Variants in CLSTN2 observed in about 807,000 individuals in gnomAD.
CLSTN2 encodes calsyntenin-2.
A neutral mutation model predicts 101.2 loss-of-function variants in CLSTN2; 48 were observed. The ratio of observed to expected loss-of-function variants is 0.47; its 90% CI spans 0.38 to 0.60. The LOEUF (loss-of-function observed/expected upper bound fraction) is 0.60, where lower values mean the gene tolerates loss of function less well. CLSTN2 is among the 20% of genes least tolerant of loss of function. The probability of loss-of-function intolerance (pLI) is 0.00; values close to 1 mark genes in which losing one functional copy is unlikely to be tolerated. For missense variants in CLSTN2, 1,160 were observed against 1,238.2 expected (o/e 0.94, Z 0.95); for synonymous variants, 481 against 463.6 (o/e 1.04, Z -0.48).
intron 2 of CLSTN2, among the ~76,000 whole-genome samples, chr3:140,386,367 G>A (rs11718581): frequency 0.41 from 61,941 of 152,102 alleles, 15,508 homozygotes; most frequent in South Asian, 0.6. Flanking sequence ...GTTAGGGTCC[G>A]GTTCATGCTG....
chr3:140,157,408 A>C (rs1160321191), intron 1 of CLSTN2, among the ~76,000 whole-genome samples: 1 of 152,116 alleles, frequency 6.6e-6, no homozygotes, highest in Non-Finnish European at 1.5e-5. Context: ...TTACTGATCC[A>C]ATTTTGGAAC....
intron 1 of CLSTN2, among the ~76,000 whole-genome samples, chr3:140,144,350 G>C (rs927281018): frequency 7.9e-5 from 12 of 152,304 alleles, no homozygotes; most frequent in Non-Finnish European, 1.6e-4. Flanking sequence ...GCTTACACCT[G>C]TAATCCCAGC....
chr3:140,272,468 G>C lies in CLSTN2; in HGVS notation c.232+96395G>C, dbSNP rs546428934. Among the ~76,000 whole-genome samples, 5 of 152,334 alleles carry C rather than the reference G, an allele frequency of 3.3e-5. No homozygotes were observed. In the South Asian group the frequency reaches 1.0e-3, roughly 32 times the overall value. On this transcript the variant is annotated intron_variant, in intron 2 of 16. Coordinates refer to ENST00000458420, the MANE Select transcript of CLSTN2 (RefSeq NM_022131.3). Reference sequence around the variant, plus strand: ...TAAGGTTATAATAATTAGAATGACTGGTCGGGTGTGGTGGCCCATGCCTGT... The same window carrying C: ...TAAGGTTATAATAATTAGAATGACTCGTCGGGTGTGGTGGCCCATGCCTGT...
chr3:140,334,872 C>T (rs1371506353), intron 2 of CLSTN2, among the ~76,000 whole-genome samples: 1 of 152,188 alleles, frequency 6.6e-6, no homozygotes, highest in Non-Finnish European at 1.5e-5. Context: ...GAAGCTGACC[C>T]TGGAAATCAA....
intron 1 of CLSTN2, among the ~76,000 whole-genome samples, chr3:140,175,045 G>T (rs1453509219): frequency 1.3e-5 from 2 of 152,140 alleles, no homozygotes; most frequent in Non-Finnish European, 2.9e-5. Flanking sequence ...GATTCTCTCA[G>T]TATACATATT....
intron 6 of CLSTN2, among the ~76,000 whole-genome samples, chr3:140,455,351 C>T (rs1192537144): frequency 1.3e-5 from 2 of 152,210 alleles, no homozygotes; most frequent in Non-Finnish European, 2.9e-5. Context: ...AACCTCTGGC[C>T]TCACCAAGGC....
At chr3:140,397,875 T>C (rs2088201484) in intron 2 of CLSTN2, among the ~76,000 whole-genome samples, 1 of 152,268 alleles carries the variant, frequency 6.6e-6, no homozygotes, top group Admixed American at 6.5e-5. Context: ...GTTTGAGAGA[T>C]ACTGGTTCAT....
intron 2 of CLSTN2, among the ~76,000 whole-genome samples, chr3:140,252,805 A>C (rs1436073638): frequency 6.6e-6 from 1 of 152,182 alleles, no homozygotes; most frequent in Non-Finnish European, 1.5e-5. Flanking sequence ...ACGTTCTTCA[A>C]GGAAAGTAGC....
At chr3:140,082,559 C>T (rs945670512) in intron 1 of CLSTN2, among the ~76,000 whole-genome samples, 4 of 152,186 alleles carry the variant, frequency 2.6e-5, no homozygotes, top group Admixed American at 2.0e-4. Flanking sequence ...ACTACTTCTA[C>T]AAGTCTCTGA....
chr3:140,561,344 G>A (rs936272060), intron 12 of CLSTN2, among the ~76,000 whole-genome samples: 7 of 152,146 alleles, frequency 4.6e-5, no homozygotes, highest in South Asian at 4.2e-4. Flanking sequence ...AATACCAGTC[G>A]CCTTCTTAAG....
At chr3:140,453,306 A>C (rs1338126332) in intron 6 of CLSTN2, 1 of 152,182 alleles carries the variant, frequency 6.6e-6, no homozygotes, top group African/African-American at 2.4e-5. Context: ...CCACAGAGTA[A>C]GAGCATGCTG....
intron 1 of CLSTN2, among the ~76,000 whole-genome samples, chr3:139,947,204 T>C (rs1158609057): frequency 6.6e-6 from 1 of 152,184 alleles, no homozygotes; most frequent in Non-Finnish European, 1.5e-5. Flanking sequence ...AAATCTAGTG[T>C]AGAAAAAACA....
At chr3:140,557,349 T>A (rs568623426) in intron 11 of CLSTN2, among the ~76,000 whole-genome samples, 5 of 152,316 alleles carry the variant, frequency 3.3e-5, no homozygotes, top group South Asian at 2.1e-4. Context: ...TGCCACATTG[T>A]TGGAGCCTGG....
chr3:140,387,837 G>A (rs532407738), intron 2 of CLSTN2, among the ~76,000 whole-genome samples: 8 of 152,310 alleles, frequency 5.3e-5, no homozygotes, highest in African/African-American at 1.9e-4. Context: ...TTTTGGTATA[G>A]CAATTCCTTC....
At chr3:140,201,805 T>C (rs1164394808) in intron 2 of CLSTN2, among the ~76,000 whole-genome samples, 1 of 151,516 alleles carries the variant, frequency 6.6e-6, no homozygotes, top group East Asian at 1.9e-4. Flanking sequence ...CACACACACA[T>C]GTATATGTGT....
At chr3:140,336,801 G>A (rs1002189065) in intron 2 of CLSTN2, among the ~76,000 whole-genome samples, 5 of 152,178 alleles carry the variant, frequency 3.3e-5, no homozygotes, top group African/African-American at 1.2e-4. Context: ...GGATTGTGCT[G>A]CAGAGAACTG....
At chr3:139,938,601 C>G (rs1248899172) in intron 1 of CLSTN2, among the ~76,000 whole-genome samples, 2 of 152,220 alleles carry the variant, frequency 1.3e-5, no homozygotes, top group Non-Finnish European at 2.9e-5. Context: ...TGCTCATGTT[C>G]TATGAGTAAA....
intron 1 of CLSTN2, among the ~76,000 whole-genome samples, chr3:140,126,462 T>C (rs2009431812): frequency 6.6e-6 from 1 of 152,054 alleles, no homozygotes; most frequent in Non-Finnish European, 1.5e-5. Flanking sequence ...TTGCACATAC[T>C]TGTGCAAAAA....
intron 2 of CLSTN2, among the ~76,000 whole-genome samples, chr3:140,200,548 A>T (rs1576464814): frequency 6.6e-6 from 1 of 152,318 alleles, no homozygotes. Context: ...TTGTGAAAAA[A>T]ATATGCCAGG....
Sources: allele counts gnomAD v4.1 joint callset (sites outside exome capture counted in the v4.1 genomes callset), GRCh38; gene constraint gnomAD v4.1.1; transcripts MANE v1.5; gene names NCBI Gene and HGNC (gene_info 2026-07-23, HGNC 2026-07-21).